Variants in SNX29 observed in about 807,000 individuals in gnomAD.
The protein encoded by SNX29 is sorting nexin-29.
SNX29 carries 78 observed loss-of-function variants against 102.1 expected under a neutral mutation model. That is an observed-to-expected ratio of 0.76 (90% CI 0.64 to 0.92). The LOEUF is 0.92. SNX29 is among the 40% of genes least tolerant of loss of function. The pLI is 0.00. For missense variants in SNX29, 1,280 were observed against 1,061.7 expected (o/e 1.21, Z -2.86); for synonymous variants, 580 against 414.5 (o/e 1.40, Z -4.85).
At chr16:11,980,842 G>A (rs931441943) in intron 1 of SNX29, among the ~76,000 whole-genome samples, 2 of 151,966 alleles carry the variant, frequency 1.3e-5, no homozygotes, top group African/African-American at 4.8e-5. Flanking sequence ...TTTAACATTC[G>A]GTGGTCTTTT....
chr16:12,103,054 G>C (rs1444719770), intron 11 of SNX29, among the ~76,000 whole-genome samples: 1 of 152,176 alleles, frequency 6.6e-6, no homozygotes, highest in Admixed American at 6.5e-5. Context: ...AAATAAGAGA[G>C]GATACAAACA....
chr16:12,437,647 T>C (rs1248817757), intron 18 of SNX29, among the ~76,000 whole-genome samples: 1 of 152,176 alleles, frequency 6.6e-6, no homozygotes, highest in Non-Finnish European at 1.5e-5. Flanking sequence ...CACCCATAGC[T>C]GCCCTCTCCT....
chr16:12,553,725 TTA>T (rs1190672452), intron 20 of SNX29, among the ~76,000 whole-genome samples: 1 of 150,912 alleles, frequency 6.6e-6, no homozygotes. Context: ...GCAGCTGGGA[TTA>T]TATGCACATG....
chr16:12,532,268 G>T (rs892710602), intron 20 of SNX29, among the ~76,000 whole-genome samples: 11 of 152,164 alleles, frequency 7.2e-5, no homozygotes, highest in Non-Finnish European at 1.2e-4. Flanking sequence ...AAAAAGTTTT[G>T]GAAGCACAAT....
chr16:12,476,374 A>AT, intron 18 of SNX29, among the ~76,000 whole-genome samples: 1 of 37,140 alleles, frequency 2.7e-5, no homozygotes, highest in Admixed American at 4.2e-4. Context: ...AAAAAAAAAA[A>AT]AAAAAAAAAA....
intron 1 of SNX29, chr16:11,977,019 C>T (rs1596514083): frequency 3.9e-6 from 2 of 514,450 alleles, no homozygotes; most frequent in Non-Finnish European, 6.0e-6. Context: ...TGGCGGGGCA[C>T]TCCTGGTCTC....
intron 16 of SNX29, among the ~76,000 whole-genome samples, chr16:12,387,719 T>C (rs919953796): frequency 5.3e-5 from 8 of 152,204 alleles, no homozygotes; most frequent in Non-Finnish European, 1.2e-4. Flanking sequence ...CCGAGTCTAC[T>C]TGACCTTAAG....
intron 15 of SNX29, among the ~76,000 whole-genome samples, chr16:12,286,678 A>T (rs1036002476): frequency 1.3e-5 from 2 of 152,062 alleles, no homozygotes; most frequent in Non-Finnish European, 2.9e-5. Flanking sequence ...TATTATGTAA[A>T]AGTTGAAACA....
At chr16:12,144,017 G>C (rs2054961543) in intron 13 of SNX29, among the ~76,000 whole-genome samples, 1 of 152,128 alleles carries the variant, frequency 6.6e-6, no homozygotes, top group Non-Finnish European at 1.5e-5. Flanking sequence ...GAAACACCCG[G>C]GGCTCAGGTT....
intron 16 of SNX29, among the ~76,000 whole-genome samples, chr16:12,382,854 T>C (rs1374418265): frequency 6.6e-6 from 1 of 152,060 alleles, no homozygotes; most frequent in African/African-American, 2.4e-5. Flanking sequence ...TTCTCTCTGG[T>C]GCCTCTCTGT....
intron 18 of SNX29, among the ~76,000 whole-genome samples, chr16:12,453,095 C>G (rs1001781019): frequency 6.6e-6 from 1 of 152,158 alleles, no homozygotes; most frequent in African/African-American, 2.4e-5. Flanking sequence ...CCTTCATTCT[C>G]CCAGGCGTAT....
At chr16:12,097,995 A>C (rs1227839058) in intron 11 of SNX29, among the ~76,000 whole-genome samples, 5 of 152,232 alleles carry the variant, frequency 3.3e-5, no homozygotes, top group Non-Finnish European at 5.9e-5. Context: ...CTGCAGTCCC[A>C]CATGAAGGGC....
chr16:12,221,486 C>T (rs1157185100), intron 14 of SNX29, among the ~76,000 whole-genome samples: 3 of 152,180 alleles, frequency 2.0e-5, no homozygotes, highest in Non-Finnish European at 4.4e-5. Context: ...TGGTGGCACA[C>T]ATCTGTAATT....
intron 20 of SNX29, among the ~76,000 whole-genome samples, chr16:12,566,955 C>T (rs138776255): frequency 0.012 from 1,893 of 152,328 alleles, 27 homozygotes; most frequent in Non-Finnish European, 0.021. Context: ...AAACTTGAAA[C>T]GAGGGATCTC....
chr16:12,304,325 C>T (rs113873474), intron 15 of SNX29, among the ~76,000 whole-genome samples: 5,100 of 152,186 alleles, frequency 0.034, 138 homozygotes, highest in African/African-American at 0.066. Flanking sequence ...CAGGCTGGAG[C>T]GCAATGGCGA....
chr16:12,435,986 T>C (rs2085518758), intron 18 of SNX29, among the ~76,000 whole-genome samples: 2 of 152,098 alleles, frequency 1.3e-5, no homozygotes, highest in Admixed American at 1.3e-4. Context: ...GGTCTGGGCC[T>C]TGGGGTTGGA....
chr16:12,326,792 A>G (rs940605408), intron 15 of SNX29, among the ~76,000 whole-genome samples: 2 of 152,166 alleles, frequency 1.3e-5, no homozygotes, highest in Non-Finnish European at 2.9e-5. Context: ...TGCAGGTGGC[A>G]CTGAGGCTGG....
chr16:12,201,832 G>T (rs1027895172), intron 14 of SNX29, among the ~76,000 whole-genome samples: 4 of 152,270 alleles, frequency 2.6e-5, no homozygotes, highest in African/African-American at 9.6e-5. Flanking sequence ...GCACCACTGG[G>T]CTTGCTTTTG....
At chr16:12,374,089 A>ACCTCTG (rs1187046096) in intron 16 of SNX29, among the ~76,000 whole-genome samples, 3 of 152,232 alleles carry the variant, frequency 2.0e-5, no homozygotes, top group Non-Finnish European at 4.4e-5. Flanking sequence ...CTGCTCCTCC[A>ACCTCTG]GGTCCCCTCT....
Sources: allele counts gnomAD v4.1 joint callset (sites outside exome capture counted in the v4.1 genomes callset), GRCh38; gene constraint gnomAD v4.1.1; transcripts MANE v1.5; gene names NCBI Gene and HGNC (gene_info 2026-07-23, HGNC 2026-07-21).